Variants in OXR1 observed in about 807,000 individuals in gnomAD.
OXR1 encodes the protein oxidation resistance 1.
In OXR1, 41 loss-of-function variants were observed where a neutral mutation model predicts 104.6. The observed-to-expected ratio is 0.39, with a 90% CI of 0.31 to 0.51. The LOEUF is 0.51. Ranked by LOEUF, OXR1 falls within the 20% of genes least tolerant of loss-of-function variation. OXR1 has a pLI of 0.77. For synonymous variants in OXR1, 348 were observed against 348.4 expected (o/e 1.00, Z 0.01); for missense variants, 955 against 1,031.9 (o/e 0.93, Z 1.02).
At chr8:106,294,395 CAAAAAAAA>C (rs1200997871) in intron 1 of OXR1, among the ~76,000 whole-genome samples, 2 of 70,388 alleles carry the variant, frequency 2.8e-5, no homozygotes, top group African/African-American at 6.3e-5. Context: ...GACTCTGTCT[CAAAAAAAA>C]AAAAAAAAAA....
chr8:106,708,291 C>T (rs1326368037), intron 9 of OXR1, among the ~76,000 whole-genome samples: 3 of 151,978 alleles, frequency 2.0e-5, no homozygotes, highest in East Asian at 1.9e-4. Flanking sequence ...CCCAACTACT[C>T]GGGAGACTAA....
chr8:106,660,047 A>G (rs900520741), intron 3 of OXR1, among the ~76,000 whole-genome samples: 1 of 152,200 alleles, frequency 6.6e-6, no homozygotes, highest in Non-Finnish European at 1.5e-5. Context: ...TAACTTCCTG[A>G]AAGAATTTGG....
rs1047928378 is a variant in OXR1, at chr8:106,295,585, T to C, written c.-139+25218T>C. On this transcript the variant is annotated intron_variant, in intron 1 of 16. Transcript: ENST00000517566. ...TTCTCTTATTTGCTTTAGTATCAGCTGGAGTTCAGAAGTGGTATTTGGCAA... is the reference window on the plus strand; with the variant it reads ...TTCTCTTATTTGCTTTAGTATCAGCCGGAGTTCAGAAGTGGTATTTGGCAA... 3.3e-5 allele frequency among the ~76,000 whole-genome samples: 5 copies of C among 152,134 alleles called. No homozygotes were observed. The East Asian group carries it at 9.6e-4, about 29-fold the overall frequency.
intron 3 of OXR1, among the ~76,000 whole-genome samples, chr8:106,641,699 T>C (rs1180345000): frequency 6.6e-6 from 1 of 152,072 alleles, no homozygotes; most frequent in Non-Finnish European, 1.5e-5. Flanking sequence ...TGGCAAGCTG[T>C]TTTCTGAGCT....
At position 106,638,873 on chromosome 8, in the gene OXR1, G is replaced by A. The variant is rs373190817; in HGVS notation, c.221-40337G>A. ...CGTGCCACTGCACTCCAACCTGGGC[G>A]CAAGAGTGAGACTCCATTTCAAAAA... On this transcript the variant is annotated intron_variant, in intron 3 of 16. Coordinates refer to ENST00000517566, the MANE Select transcript of OXR1 (RefSeq NM_001198533.2). Among the ~76,000 whole-genome samples the A allele has an allele frequency of 6.2e-5, 9 of 144,984 alleles. No homozygotes were observed. The East Asian group carries it at 8.0e-4, about 13-fold the overall frequency.
At chr8:106,676,201 T>C (rs930703348) in intron 3 of OXR1, among the ~76,000 whole-genome samples, 1 of 152,210 alleles carries the variant, frequency 6.6e-6, no homozygotes, top group Non-Finnish European at 1.5e-5. Context: ...AGCCTATGTC[T>C]GTCATTGCAT....
At chr8:106,332,779 T>C (rs1405939723) in intron 1 of OXR1, among the ~76,000 whole-genome samples, 1 of 152,148 alleles carries the variant, frequency 6.6e-6, no homozygotes, top group Non-Finnish European at 1.5e-5. Flanking sequence ...CATTTCTTAC[T>C]TCCTTCTTTT....
At chr8:106,615,073 C>A (rs1385853268) in intron 3 of OXR1, among the ~76,000 whole-genome samples, 1 of 152,076 alleles carries the variant, frequency 6.6e-6, no homozygotes, top group Non-Finnish European at 1.5e-5. Flanking sequence ...CATCCTAGCA[C>A]TTTGGGAGGC....
chr8:106,697,567 T>C (rs974749924), intron 7 of OXR1: 4 of 1,610,708 alleles, frequency 2.5e-6, no homozygotes, highest in African/African-American at 1.3e-5. Context: ...AGGGAACCAG[T>C]TGGGATCCCC....
intron 2 of OXR1, among the ~76,000 whole-genome samples, chr8:106,407,107 G>A (rs1486218053): frequency 1.3e-5 from 2 of 152,108 alleles, no homozygotes; most frequent in South Asian, 2.1e-4. Flanking sequence ...TATGGATTAT[G>A]TATTAAACTA....
At chr8:106,338,421 G>T (rs1815051530) in intron 1 of OXR1, among the ~76,000 whole-genome samples, 1 of 151,786 alleles carries the variant, frequency 6.6e-6, no homozygotes, top group African/African-American at 2.4e-5. Flanking sequence ...AAATTAGCTG[G>T]GTGTGGTGGC....
chr8:106,429,104 C>G (rs1482639304), intron 2 of OXR1, among the ~76,000 whole-genome samples: 1 of 152,142 alleles, frequency 6.6e-6, no homozygotes, highest in African/African-American at 2.4e-5. Flanking sequence ...GAAGCCACGG[C>G]TTTATTGTCC....
At chr8:106,550,507 C>T (rs1277074970) in intron 3 of OXR1, among the ~76,000 whole-genome samples, 1 of 152,122 alleles carries the variant, frequency 6.6e-6, no homozygotes, top group Non-Finnish European at 1.5e-5. Flanking sequence ...ACCTGAATCT[C>T]GTCTTGAATT....
At chr8:106,578,851 A>G (rs977659164) in intron 3 of OXR1, among the ~76,000 whole-genome samples, 1 of 152,124 alleles carries the variant, frequency 6.6e-6, no homozygotes, top group Non-Finnish European at 1.5e-5. Context: ...TGGTGTTTGC[A>G]TTGCTCTTAT....
chr8:106,355,071 A>G (rs1038098703), intron 1 of OXR1, among the ~76,000 whole-genome samples: 5 of 152,098 alleles, frequency 3.3e-5, no homozygotes, highest in Non-Finnish European at 7.4e-5. Context: ...ATTGCACTAA[A>G]TGAGTGACCT....
intron 3 of OXR1, among the ~76,000 whole-genome samples, chr8:106,532,827 A>C (rs1259232877): frequency 2.0e-5 from 3 of 152,256 alleles, no homozygotes; most frequent in Non-Finnish European, 4.4e-5. Flanking sequence ...GATAAAATGC[A>C]TAACAATAAA....
chr8:106,608,197 G>A (rs192547444), intron 3 of OXR1, among the ~76,000 whole-genome samples: 166 of 152,296 alleles, frequency 1.1e-3, no homozygotes, highest in African/African-American at 3.7e-3. Flanking sequence ...GGCTGATGCA[G>A]AAGGATCATT....
chr8:106,300,663 C>G (rs1035956024), intron 1 of OXR1, among the ~76,000 whole-genome samples: 9 of 152,120 alleles, frequency 5.9e-5, no homozygotes, highest in African/African-American at 2.2e-4. Flanking sequence ...AAGGACTGTG[C>G]TGTACAGACA....
At chr8:106,382,694 T>TC (rs1320828657) in intron 2 of OXR1, among the ~76,000 whole-genome samples, 2 of 145,966 alleles carry the variant, frequency 1.4e-5, no homozygotes, top group Admixed American at 1.3e-4. Context: ...TTTTTTTTTT[T>TC]TTTTTTTTTT....
Sources: allele counts gnomAD v4.1 joint callset (sites outside exome capture counted in the v4.1 genomes callset), GRCh38; gene constraint gnomAD v4.1.1; transcripts MANE v1.5; gene names NCBI Gene and HGNC (gene_info 2026-07-23, HGNC 2026-07-21).